The following SLC35F4 variants were observed in gnomAD, a reference collection of about 807,000 sequenced individuals.
SLC35F4 encodes the protein chromosome 14 open reading frame 36.
SLC35F4 carries 24 observed loss-of-function variants against 44.2 expected under a neutral mutation model. That is an observed-to-expected ratio of 0.54 (90% CI 0.39 to 0.76). The LOEUF is 0.76. SLC35F4 is among the 30% of genes least tolerant of loss of function. The pLI is 0.00. For missense variants in SLC35F4, 562 were observed against 586.1 expected, an observed-to-expected ratio of 0.96 and a Z score of 0.42; for synonymous variants, 238 against 223.6, an observed-to-expected ratio of 1.06 and a Z score of -0.57.
chr14:57,664,950 G>C (rs1370078678), intron 1 of SLC35F4, among the ~76,000 whole-genome samples: 2 of 152,096 alleles, frequency 1.3e-5, no homozygotes, highest in Admixed American at 6.5e-5. Flanking sequence ...TTGGCTTCTT[G>C]AGCTTTCCAA....
At chr14:57,675,595 T>C (rs1407803187) in intron 1 of SLC35F4, among the ~76,000 whole-genome samples, 1 of 152,074 alleles carries the variant, frequency 6.6e-6, no homozygotes, top group Non-Finnish European at 1.5e-5. Context: ...TTGTTCCAGT[T>C]CTCAGGGGCA....
At chr14:57,656,514 A>G (rs1378722963) in intron 1 of SLC35F4, among the ~76,000 whole-genome samples, 2 of 152,046 alleles carry the variant, frequency 1.3e-5, no homozygotes, top group Admixed American at 6.6e-5. Flanking sequence ...GCTTGTTACT[A>G]TAGGAACTCA....
intron 1 of SLC35F4, among the ~76,000 whole-genome samples, chr14:57,873,805 T>C (rs1888341849): frequency 6.6e-6 from 1 of 152,136 alleles, no homozygotes; most frequent in Non-Finnish European, 1.5e-5. Context: ...CCAGCATGGC[T>C]TGTTTTATGT....
At chr14:57,961,034 G>A (rs1428118742) in intron 1 of SLC35F4, among the ~76,000 whole-genome samples, 1 of 152,126 alleles carries the variant, frequency 6.6e-6, no homozygotes, top group South Asian at 2.1e-4. Flanking sequence ...GCTGGCAATG[G>A]ACCCCCAACT....
At chr14:57,922,489 A>G (rs1466042303) in intron 1 of SLC35F4, among the ~76,000 whole-genome samples, 2 of 152,196 alleles carry the variant, frequency 1.3e-5, no homozygotes, top group South Asian at 4.1e-4. Context: ...TAAGCCTTAG[A>G]GCAGGTCTGT....
chr14:57,790,850 T>C (rs564922729), intron 1 of SLC35F4, among the ~76,000 whole-genome samples: 23 of 152,178 alleles, frequency 1.5e-4, no homozygotes, highest in Non-Finnish European at 2.9e-4. Context: ...AACCATCTGA[T>C]CTTTGACAAA....
At chr14:57,902,900 C>T (rs1889035261) in intron 1 of SLC35F4, among the ~76,000 whole-genome samples, 2 of 152,122 alleles carry the variant, frequency 1.3e-5, no homozygotes, top group African/African-American at 2.4e-5. Context: ...AAATGGGACC[C>T]CATCAGAGAG....
intron 1 of SLC35F4, among the ~76,000 whole-genome samples, chr14:57,741,781 C>T (rs1055667817): frequency 6.6e-6 from 1 of 152,098 alleles, no homozygotes; most frequent in African/African-American, 2.4e-5. Context: ...GTCAGATTCA[C>T]CAAAGTTGAA....
intron 1 of SLC35F4, among the ~76,000 whole-genome samples, chr14:57,872,515 C>A (rs1888316133): frequency 6.6e-6 from 1 of 152,166 alleles, no homozygotes; most frequent in Admixed American, 6.5e-5. Context: ...CACCTAGACA[C>A]AGCCTGACAG....
At chr14:57,614,645 T>A (rs2071703285) in intron 1 of SLC35F4, among the ~76,000 whole-genome samples, 1 of 152,312 alleles carries the variant, frequency 6.6e-6, no homozygotes, top group South Asian at 2.1e-4. Context: ...GTGACCATTC[T>A]CCCTCAGGCA....
At chr14:57,574,480 A>G (rs2068678269) in intron 4 of SLC35F4, among the ~76,000 whole-genome samples, 1 of 152,198 alleles carries the variant, frequency 6.6e-6, no homozygotes, top group Non-Finnish European at 1.5e-5. Context: ...AATATTTGAA[A>G]TGTTAGAAAA....
intron 3 of SLC35F4, among the ~76,000 whole-genome samples, chr14:57,582,203 AT>A (rs80342073): frequency 0.015 from 2,260 of 150,388 alleles, 54 homozygotes; most frequent in African/African-American, 0.051. Context: ...CCTAAACATG[AT>A]TTTTTTTTTC....
chr14:57,730,338 C>G (rs1443465863), intron 1 of SLC35F4, among the ~76,000 whole-genome samples: 1 of 152,098 alleles, frequency 6.6e-6, no homozygotes, highest in Non-Finnish European at 1.5e-5. Flanking sequence ...GCCATTCTAA[C>G]TGGGGTGAGA....
At chr14:57,691,335 G>A (rs1002405588) in intron 1 of SLC35F4, among the ~76,000 whole-genome samples, 3 of 152,086 alleles carry the variant, frequency 2.0e-5, no homozygotes, top group Non-Finnish European at 4.4e-5. Flanking sequence ...ATACATTGAA[G>A]GTCAAAGGAA....
intron 1 of SLC35F4, among the ~76,000 whole-genome samples, chr14:57,746,571 T>A (rs1292500089): frequency 6.6e-6 from 1 of 152,164 alleles, no homozygotes; most frequent in African/African-American, 2.4e-5. Context: ...ATTTTTTGTA[T>A]CTATTTCATG....
chr14:57,593,173 G>T (rs2070296187), intron 2 of SLC35F4, among the ~76,000 whole-genome samples: 1 of 152,198 alleles, frequency 6.6e-6, no homozygotes, highest in African/African-American at 2.4e-5. Context: ...CAGGAACGTG[G>T]AAGTATGCTC....
At chr14:57,972,024 A>T (rs996428937), downstream of SLC35F4, among the ~76,000 whole-genome samples, 36 of 152,340 alleles carry the variant, frequency 2.4e-4, no homozygotes, top group African/African-American at 8.4e-4. Flanking sequence ...ACCGAAGGTT[A>T]TGAAGGATCA....
At chr14:57,972,422 G>A (rs1452780729), downstream of SLC35F4, among the ~76,000 whole-genome samples, 1 of 151,590 alleles carries the variant, frequency 6.6e-6, no homozygotes, top group Non-Finnish European at 1.5e-5. Context: ...GAGATGGAGA[G>A]AACAGGAAAG....
At chr14:57,961,832 A>T (rs12147653) in intron 1 of SLC35F4, among the ~76,000 whole-genome samples, 14,219 of 152,094 alleles carry the variant, frequency 0.093, 937 homozygotes, top group East Asian at 0.25. Context: ...TCAACTGACG[A>T]CTTTAAGCCC....
Sources: allele counts gnomAD v4.1 joint callset (sites outside exome capture counted in the v4.1 genomes callset), GRCh38; gene constraint gnomAD v4.1.1; transcripts MANE v1.5; gene names NCBI Gene and HGNC (gene_info 2026-07-23, HGNC 2026-07-21).